RXFP1: variants seen among roughly 807,000 people sequenced by gnomAD.
RXFP1 encodes relaxin family peptide receptor 1.
Under a neutral mutation model 89.8 loss-of-function variants are expected in RXFP1, and 73 were observed. The observed-to-expected ratio is 0.81, with a 90% confidence interval of 0.67 to 0.99. The LOEUF (loss-of-function observed/expected upper bound fraction) is 0.99. Among genes scored for constraint, RXFP1 ranks in the 50% least tolerant of loss-of-function variants. The probability of loss-of-function intolerance (pLI) is 0.00; values close to 1 mark genes in which losing one functional copy is unlikely to be tolerated. For synonymous variants in RXFP1, 277 were observed against 305.5 expected, an observed-to-expected ratio of 0.91 and a Z score of 0.97; for missense variants, 793 against 895.5, an observed-to-expected ratio of 0.89 and a Z score of 1.46.
chr4:158,536,929 A>G (rs938434877), intron 1 of RXFP1, among the ~76,000 whole-genome samples: 3 of 152,134 alleles, frequency 2.0e-5, no homozygotes, highest in Admixed American at 1.3e-4. Flanking sequence ...ATGAGCTGAA[A>G]GAATTCCATA....
intron 1 of RXFP1, among the ~76,000 whole-genome samples, chr4:158,570,400 G>C (rs1321316151): frequency 6.6e-6 from 1 of 152,090 alleles, no homozygotes; most frequent in Non-Finnish European, 1.5e-5. Flanking sequence ...GAAGCTCTTG[G>C]GTAAGGATGG....
intron 2 of RXFP1, among the ~76,000 whole-genome samples, chr4:158,585,891 T>C (rs1758217601): frequency 6.6e-6 from 1 of 152,260 alleles, no homozygotes; most frequent in African/African-American, 2.4e-5. Context: ...TGTCTTAAAC[T>C]ACTTGATGGT....
chr4:158,635,552 A>G (rs1768978702), intron 12 of RXFP1, among the ~76,000 whole-genome samples: 1 of 152,044 alleles, frequency 6.6e-6, no homozygotes, highest in Non-Finnish European at 1.5e-5. Flanking sequence ...GACTTCCAAC[A>G]TTATGTTGAA....
Position 158,652,760 on chromosome 4 carries a change from AGAGTAT to A in RXFP1, c.*711_*716del, listed in dbSNP as rs1772962207. 1 of 152,244 alleles carries A rather than the reference AGAGTAT, an allele frequency of 6.6e-6. No individual in the cohort carries two copies. The highest frequency in any genetic ancestry group is 1.5e-5 in the Non-Finnish European group (1 of 68,044). 9.4% of individuals were successfully genotyped at this position (152,244 alleles called of 1,614,324 possible). On this transcript the variant is annotated 3_prime_UTR_variant, in exon 18 of 18. Transcript: ENST00000307765. ...CATCATCATATGGAATTGGAATAGG[AGAGTAT>A]GAGTACGGCAGAGAAGTGGATCAGA...
Position 158,551,976 on chromosome 4 carries a change from TA to T in RXFP1, c.50-20719del, listed in dbSNP as rs528847212. Among the ~76,000 whole-genome samples the T allele has an allele frequency of 1.3e-4, 20 of 152,092 alleles. 1 individual carries two copies. Among genetic ancestry groups the T allele is most frequent in the Middle Eastern group, 3.4e-3 (1 of 294 alleles). On this transcript the variant is annotated intron_variant, in intron 1 of 17. Transcript: ENST00000307765. Reference sequence around the variant, plus strand: ...TAAAAATAAAGAAATTTTTAAAAAATAAAGACCCACTCAAAAAACAGAAAAG... The same window carrying T: ...TAAAAATAAAGAAATTTTTAAAAAATAAGACCCACTCAAAAAACAGAAAAG...
rs1760289569 is a variant in RXFP1 at position 158,595,185 on chromosome 4, C to G, written c.286+1686C>G. On this transcript the variant is annotated intron_variant, in intron 3 of 17. Coordinates refer to ENST00000307765, the MANE Select transcript of RXFP1 (RefSeq NM_021634.4). The stretch of plus-strand genomic sequence containing the variant: ...ATGCTAATTATTCAATTCTCTTACT[C>G]ATCATCACGTTTTCTATTCTCTCCG... 3.3e-5 allele frequency among the ~76,000 whole-genome samples: 5 copies of G among 152,198 alleles called. No homozygotes were observed. In the South Asian group the frequency reaches 1.0e-3, roughly 32 times the overall value.
At chr4:158,650,315 A>G (rs2150279104) in intron 17 of RXFP1, among the ~76,000 whole-genome samples, 1 of 152,140 alleles carries the variant, frequency 6.6e-6, no homozygotes, top group African/African-American at 2.4e-5. Flanking sequence ...TTATGGTACA[A>G]TGATATGAAC....
chr4:158,552,520 A>G (rs983188291), intron 1 of RXFP1, among the ~76,000 whole-genome samples: 1 of 152,170 alleles, frequency 6.6e-6, no homozygotes, highest in African/African-American at 2.4e-5. Context: ...AAAAAAGAAA[A>G]ACATCTCGTC....
chr4:158,561,076 C>T (rs1218143858), intron 1 of RXFP1, among the ~76,000 whole-genome samples: 1 of 152,152 alleles, frequency 6.6e-6, no homozygotes, highest in African/African-American at 2.4e-5. Flanking sequence ...CTTCAATTTA[C>T]AAACCTATTT....
intron 1 of RXFP1, among the ~76,000 whole-genome samples, chr4:158,553,692 T>C (rs1284142886): frequency 6.6e-6 from 1 of 152,152 alleles, no homozygotes; most frequent in Non-Finnish European, 1.5e-5. Context: ...GTTAGAGTCA[T>C]ATTTCTAGGT....
rs1762796376 is a variant in RXFP1 at position 158,607,876 on chromosome 4, G to T, written c.465-96G>T. On this transcript the variant is annotated intron_variant, in intron 5 of 17. Coordinates refer to ENST00000307765, the MANE Select transcript of RXFP1 (RefSeq NM_021634.4). Reference sequence around the variant, plus strand: ...GCATTAAGCACATTCATATTGCTATGCTACCATCACCATCATCCATCCACA... The same window carrying T: ...GCATTAAGCACATTCATATTGCTATTCTACCATCACCATCATCCATCCACA... 4.0e-6 allele frequency: 3 copies of T among 749,532 alleles called. No individual in the cohort carries two copies. In the African/African-American group the frequency reaches 5.4e-5, roughly 13 times the overall value. The allele number at this position is 749,532 out of a possible 1,614,324, so 46.4% of individuals were successfully genotyped here.
intron 1 of RXFP1, among the ~76,000 whole-genome samples, chr4:158,551,266 A>C (rs867435098): frequency 6.6e-6 from 1 of 152,222 alleles, no homozygotes; most frequent in Admixed American, 6.5e-5. Flanking sequence ...GAAGTAGCCA[A>C]ACTCATAGAA....
intron 1 of RXFP1, among the ~76,000 whole-genome samples, chr4:158,557,385 A>T (rs1192705912): frequency 6.6e-6 from 1 of 152,184 alleles, no homozygotes; most frequent in South Asian, 2.1e-4. Context: ...TCCTTAAAGT[A>T]TCAGTTTGTT....
At chr4:158,548,149 ATATATTTAGGATAGTTAGCTC>A (rs1472714130) in intron 1 of RXFP1, among the ~76,000 whole-genome samples, 1 of 152,232 alleles carries the variant, frequency 6.6e-6, no homozygotes, top group East Asian at 1.9e-4. Context: ...TTGGGTGCAC[ATATATTTAGGATAGTTAGCTC>A]TTATTGTTGA....
chr4:158,540,415 CA>C (rs1746326769), intron 1 of RXFP1, among the ~76,000 whole-genome samples: 1 of 151,902 alleles, frequency 6.6e-6, no homozygotes, highest in South Asian at 2.1e-4. Flanking sequence ...TATCTTTTAG[CA>C]ATCTAATACA....
rs5741905 is a variant in RXFP1 at position 158,527,564 on chromosome 4, A to AAAAATATATATATATATAT, written c.49+5540_49+5541insAAATATATATATATATATA. 1.1e-4 allele frequency among the ~76,000 whole-genome samples: 11 copies of AAAAATATATATATATATAT among 98,328 alleles called. 1 individual carries two copies. Among genetic ancestry groups the AAAAATATATATATATATAT allele is most frequent in the African/African-American group, 2.5e-4 (7 of 28,536 alleles). 64.5% of individuals were successfully genotyped at this position (98,328 alleles called of 152,430 possible). On this transcript the variant is annotated intron_variant, in intron 1 of 17. Transcript: ENST00000307765. ...ATCTCCCCCGCTCCAAAAAAAAAAAAATATATATATATATGTATATATATA... is the reference window on the plus strand; with the variant it reads ...ATCTCCCCCGCTCCAAAAAAAAAAAAAAAATATATATATATATATATATATATATATATGTATATATATA...
At chr4:158,547,490 A>T (rs533016503) in intron 1 of RXFP1, among the ~76,000 whole-genome samples, 1 of 151,814 alleles carries the variant, frequency 6.6e-6, no homozygotes, top group Non-Finnish European at 1.5e-5. Flanking sequence ...GCTTCCTGCT[A>T]GCTTTTGAAT....
At chr4:158,609,679 GAC>G (rs1256112589) in intron 6 of RXFP1, among the ~76,000 whole-genome samples, 2 of 152,164 alleles carry the variant, frequency 1.3e-5, no homozygotes. Context: ...GACTGCAGGA[GAC>G]TCGAAGCCTT....
chr4:158,525,112 G>A (rs544486457), intron 1 of RXFP1, among the ~76,000 whole-genome samples: 7 of 151,878 alleles, frequency 4.6e-5, no homozygotes, highest in African/African-American at 7.3e-5. Context: ...TGGTTAGTAC[G>A]TGGAAAAAGA....
Sources: allele counts gnomAD v4.1 joint callset (sites outside exome capture counted in the v4.1 genomes callset), GRCh38; gene constraint gnomAD v4.1.1; transcripts MANE v1.5; gene names NCBI Gene and HGNC (gene_info 2026-07-23, HGNC 2026-07-21).